SOX5: variants seen among roughly 807,000 people sequenced by gnomAD.
SOX5 encodes the protein transcription factor SOX-5.
Under a neutral mutation model 92.0 loss-of-function variants are expected in SOX5, and 9 were observed. The ratio of observed to expected loss-of-function variants is 0.10; its 90% CI spans 0.06 to 0.17. The LOEUF (loss-of-function observed/expected upper bound fraction) is 0.17. Ranked by LOEUF, SOX5 falls within the 10% of genes least tolerant of loss-of-function variation. The probability of loss-of-function intolerance (pLI) is 1.00; values close to 1 mark genes in which losing one functional copy is unlikely to be tolerated. For missense variants in SOX5, 642 were observed against 944.5 expected, an observed-to-expected ratio of 0.68 and a Z score of 4.20; for synonymous variants, 344 against 336.3, an observed-to-expected ratio of 1.02 and a Z score of -0.25.
Position 24,166,127 on chromosome 12 carries a change from C to T in SOX5, c.-2+47216G>A, listed in dbSNP as rs78842523. On this transcript the variant is annotated intron_variant, in intron 4 of 4. Transcript: ENST00000446891. The stretch of plus-strand genomic sequence containing the variant: ...GGAGAAGGGAAAGAATACGATGACA[C>T]TGGATGTGGGGAAGGGTGGTGGGTT... Among the ~76,000 whole-genome samples the T allele has an allele frequency of 4.7e-3, 722 of 152,142 alleles. 5 individuals are homozygous for T. The highest frequency in any genetic ancestry group is 0.017 in the African/African-American group (694 of 41,526).
chr12:24,410,219 A>G (rs1051583748), intron 1 of SOX5, among the ~76,000 whole-genome samples: 8 of 152,080 alleles, frequency 5.3e-5, no homozygotes, highest in Admixed American at 2.0e-4. Context: ...GCTGGTCTCC[A>G]ACTCCTGAGT....
rs145802525 is a variant in SOX5, at chr12:23,712,453, A to G, written c.810+22231T>C. On this transcript the variant is annotated intron_variant, in intron 6 of 14. Transcript: ENST00000451604. ...CACTCAGCAATAGAGCTGTTAAGAG[A>G]CTTCTATTGATTGTAACTTCAGGAC... Among the ~76,000 whole-genome samples, 14 of 152,282 alleles carry G rather than the reference A, an allele frequency of 9.2e-5. No homozygotes were observed. The East Asian group carries it at 2.7e-3, about 29-fold the overall frequency.
chr12:24,464,426 C>T (rs934711588), intron 1 of SOX5, among the ~76,000 whole-genome samples: 1 of 151,890 alleles, frequency 6.6e-6, no homozygotes, highest in African/African-American at 2.4e-5. Flanking sequence ...GGGTTCACGC[C>T]GCCTCCCGGG....
chr12:23,763,000 T>C (rs937953320), intron 3 of SOX5, among the ~76,000 whole-genome samples: 10 of 152,202 alleles, frequency 6.6e-5, no homozygotes, highest in Non-Finnish European at 1.3e-4. Context: ...TTTGTTCTTA[T>C]TTCAAATATT....
chr12:23,650,937 T>C (rs887946441), intron 7 of SOX5, among the ~76,000 whole-genome samples: 20 of 152,034 alleles, frequency 1.3e-4, no homozygotes, highest in African/African-American at 3.1e-4. Context: ...TTAAAAACTA[T>C]TGCAAATAAA....
intron 4 of SOX5, among the ~76,000 whole-genome samples, chr12:24,090,145 A>T (rs1034486857): frequency 2.6e-5 from 4 of 152,194 alleles, no homozygotes; most frequent in African/African-American, 4.8e-5. Context: ...CCCCATTTTT[A>T]AAAACTGCAT....
In SOX5 at chr12:23,531,473, G is replaced by A. The variant is rs1351219977; in HGVS notation, c.*2746C>T. ...CCTGGAGCTAAAACAAAGTATTCTT[G>A]TAGCCCAAACTCATGAAATGAAAAC... On this transcript the variant is annotated 3_prime_UTR_variant, in exon 15 of 15. Transcript: ENST00000451604. 6.6e-6 allele frequency: 1 copy of A among 152,182 alleles called. No homozygotes were observed. Among genetic ancestry groups the A allele is most frequent in the Non-Finnish European group, 1.5e-5 (1 of 68,044 alleles). The allele number at this position is 152,182 out of a possible 1,614,324, so 9.4% of individuals were successfully genotyped here.
At chr12:23,720,376 A>G (rs933385214) in intron 6 of SOX5, among the ~76,000 whole-genome samples, 1 of 152,208 alleles carries the variant, frequency 6.6e-6, no homozygotes, top group Admixed American at 6.5e-5. Context: ...GGTTTTTAAA[A>G]CATAACAAGG....
At chr12:23,763,710 T>C (rs992046904) in intron 3 of SOX5, among the ~76,000 whole-genome samples, 5 of 152,006 alleles carry the variant, frequency 3.3e-5, no homozygotes, top group African/African-American at 1.2e-4. Flanking sequence ...TTCTATTAGG[T>C]CCTCAACAAT....
intron 8 of SOX5, among the ~76,000 whole-genome samples, chr12:23,614,602 T>C (rs1265186180): frequency 2.0e-5 from 3 of 152,256 alleles, no homozygotes; most frequent in Non-Finnish European, 4.4e-5. Flanking sequence ...AATTTTCCAG[T>C]GAATAATCCT....
At chr12:23,586,820 G>A (rs1391042345) in intron 9 of SOX5, among the ~76,000 whole-genome samples, 1 of 151,516 alleles carries the variant, frequency 6.6e-6, no homozygotes, top group Non-Finnish European at 1.5e-5. Context: ...TGTCACTTAT[G>A]ATTGACTTAA....
At chr12:23,845,157 T>C (rs1328921439) in intron 3 of SOX5, among the ~76,000 whole-genome samples, 1 of 152,206 alleles carries the variant, frequency 6.6e-6, no homozygotes, top group African/African-American at 2.4e-5. Flanking sequence ...ACGCAGTGTA[T>C]TTTTGTTATA....
At chr12:24,176,727 C>A (rs1423049695) in intron 4 of SOX5, among the ~76,000 whole-genome samples, 5 of 152,168 alleles carry the variant, frequency 3.3e-5, no homozygotes, top group Admixed American at 3.3e-4. Context: ...ACATACATTG[C>A]ACTAGGGGCA....
rs534658854 is a variant in SOX5 at position 24,048,628 on chromosome 12, T to C, written c.-1-152604A>G. Among the ~76,000 whole-genome samples, 3 of 152,288 alleles carry C rather than the reference T, an allele frequency of 2.0e-5. No individual in the cohort carries two copies. The East Asian group carries it at 5.8e-4, about 29-fold the overall frequency. ...ACCCAGATATCCATCAACTGATAAA[T>C]GGATAAATAAAATGTGGTATATCCA... On this transcript the variant is annotated intron_variant, in intron 4 of 4. Coordinates refer to the SOX5 transcript ENST00000446891.
intron 4 of SOX5, among the ~76,000 whole-genome samples, chr12:23,974,672 G>A (rs1435577808): frequency 6.6e-6 from 1 of 152,174 alleles, no homozygotes; most frequent in African/African-American, 2.4e-5. Context: ...TAATAAGAGA[G>A]TGAATCATCT....
At chr12:24,361,228 G>C (rs1256953694) in intron 2 of SOX5, among the ~76,000 whole-genome samples, 1 of 152,138 alleles carries the variant, frequency 6.6e-6, no homozygotes, top group African/African-American at 2.4e-5. Flanking sequence ...AAACAATGCA[G>C]ATCCCATTTC....
chr12:23,994,295 T>C (rs1950840375), intron 4 of SOX5, among the ~76,000 whole-genome samples: 1 of 152,048 alleles, frequency 6.6e-6, no homozygotes, highest in African/African-American at 2.4e-5. Context: ...TAAAATGAAA[T>C]TAAAGGAATT....
intron 2 of SOX5, among the ~76,000 whole-genome samples, chr12:23,849,205 G>A (rs1181602474): frequency 6.6e-6 from 1 of 152,100 alleles, no homozygotes; most frequent in Non-Finnish European, 1.5e-5. Flanking sequence ...TTTCATCCTT[G>A]ACTTCTGGCC....
At chr12:23,959,177 T>A (rs1304423306) in intron 4 of SOX5, among the ~76,000 whole-genome samples, 2 of 151,656 alleles carry the variant, frequency 1.3e-5, no homozygotes, top group African/African-American at 2.4e-5. Context: ...AATTCAAAAT[T>A]TATATAAAAT....
Sources: allele counts gnomAD v4.1 joint callset (sites outside exome capture counted in the v4.1 genomes callset), GRCh38; gene constraint gnomAD v4.1.1; transcripts MANE v1.5; gene names NCBI Gene and HGNC (gene_info 2026-07-23, HGNC 2026-07-21).